Variants in AMOT observed in about 807,000 individuals in gnomAD.
AMOT encodes the protein angiomotin.
AMOT carries 11 observed loss-of-function variants against 67.0 expected under a neutral mutation model. That is an observed-to-expected ratio of 0.16 (90% CI 0.10 to 0.27). The LOEUF (loss-of-function observed/expected upper bound fraction) is 0.27, where lower values mean the gene tolerates loss of function less well. Among genes scored for constraint, AMOT ranks in the 10% least tolerant of loss-of-function variants. The pLI is 1.00. For missense variants in AMOT, 753 were observed against 852.0 expected (o/e 0.88, Z 1.45); for synonymous variants, 326 against 321.4 (o/e 1.01, Z -0.15).
chrX:112,781,261 G>A (rs1237234220), intron 11 of AMOT, 143 bp from the exon 12 acceptor site: 2 of 512,783 alleles, frequency 3.9e-6, no homozygotes, highest in Middle Eastern at 5.9e-4. Flanking sequence ...CCAACATGGT[G>A]AAACCCTGTC....
chrX:112,786,990 A>G (rs1035932768), intron 10 of AMOT, among the ~76,000 whole-genome samples: 1 of 111,796 alleles, frequency 8.9e-6, no homozygotes, highest in African/African-American at 3.3e-5. Flanking sequence ...GAGTTGCTGT[A>G]TCTGATGTTT....
At chrX:112,804,907 T>G in intron 8 of AMOT, 40 bp downstream of exon 8, 2 of 524,981 alleles carry the variant, frequency 3.8e-6, no homozygotes, top group Non-Finnish European at 6.2e-6. Flanking sequence ...TTCCCAGCCC[T>G]CCCACCCCCA....
intron 8 of AMOT, among the ~76,000 whole-genome samples, chrX:112,799,828 A>G (rs1933953385): frequency 8.9e-6 from 1 of 112,545 alleles, no homozygotes; most frequent in Admixed American, 9.4e-5. Flanking sequence ...TCCAAAAGCC[A>G]AAATCATAGG....
At chrX:112,824,242 T>G (rs1463827231) in intron 3 of AMOT, among the ~76,000 whole-genome samples, 1 of 112,273 alleles carries the variant, frequency 8.9e-6, no homozygotes, top group Non-Finnish European at 1.9e-5. Flanking sequence ...GATTCAAAAA[T>G]TCTTTGGGCA....
intron 7 of AMOT, among the ~76,000 whole-genome samples, chrX:112,807,555 G>A (rs923864569): frequency 1.4e-4 from 15 of 109,064 alleles, no homozygotes; most frequent in African/African-American, 5.0e-4. Flanking sequence ...AATAAAAAAA[G>A]TAGACAGCAT....
chrX:112,805,392 C>T (rs1202023829), intron 7 of AMOT, among the ~76,000 whole-genome samples: 3 of 109,707 alleles, frequency 2.7e-5, no homozygotes, highest in African/African-American at 1.0e-4. Context: ...CACACACACA[C>T]ACACACACAC....
In AMOT at chrX:112,781,040, C is replaced by T. The variant is rs756906269; in HGVS notation, c.2319G>A (p.Pro773=). Residue 773 remains proline, a synonymous_variant, in exon 12 of 14, where the codon CCG becomes CCA. Transcript: ENST00000371959. The part of the protein sequence containing the change: ...KVLQQRSRKE[P]SKTEQLSCMR... ...TGCACGACAGCTGCTCTGTCTTGCT[C>T]GGCTCCTTCCGGGAACGCTGCTGGA... The T allele has an allele frequency of 7.4e-6, 9 of 1,210,258 alleles. No homozygotes were observed. Among genetic ancestry groups the T allele is most frequent in the East Asian group, 5.9e-5 (2 of 33,766 alleles).
Position 112,777,305 on chromosome X carries a change from T to G in AMOT, c.*1262A>C, listed in dbSNP as rs375032444. On this transcript the variant is annotated 3_prime_UTR_variant, in exon 14 of 14. Coordinates refer to ENST00000371959, the MANE Select transcript of AMOT (RefSeq NM_001113490.2). ...TTGGAGGCAGCCCTATGGCAAGGCT[T>G]GGAGCCATTGCCTCCTTTGATCTCT... 1.4e-4 allele frequency: 16 copies of G among 111,785 alleles called. No homozygotes were observed. Among genetic ancestry groups the G allele is most frequent in the African/African-American group, 5.2e-4 (16 of 30,753 alleles). 9.2% of individuals were successfully genotyped at this position (111,785 alleles called of 1,213,427 possible).
At position 112,779,055 on chromosome X, in the gene AMOT, G is replaced by A. The variant is rs146157772; in HGVS notation, c.3099C>T (p.Thr1033=). The part of the protein sequence containing the change: ...AQAEVPASPA[T]GPGPHRLSIP... ...TAGACAAACGATGTGGTCCAGGACC[G>A]GTAGCTGGACTTGCAGGAACCTCAG... The change falls in exon 13 of 14, where the codon ACC becomes ACT. Residue 1033 remains threonine, a synonymous_variant. Coordinates refer to ENST00000371959, the MANE Select transcript of AMOT (RefSeq NM_001113490.2). The A allele has an allele frequency of 3.1e-5, 38 of 1,207,767 alleles. No individual in the cohort carries two copies. In the African/African-American group the frequency reaches 4.2e-4, roughly 13 times the overall value.
At chrX:112,838,482 C>T (rs1418603604) in intron 1 of AMOT, among the ~76,000 whole-genome samples, 4 of 111,819 alleles carry the variant, frequency 3.6e-5, no homozygotes, top group Non-Finnish European at 7.5e-5. Context: ...GTCATAGTAT[C>T]CATCCCCCTG....
rs373047853 is a variant in AMOT at position 112,779,285 on chromosome X, C to T, written c.2869G>A (p.Ala957Thr). 5 of 657,839 alleles carry T rather than the reference C, an allele frequency of 7.6e-6. No homozygotes were observed. The highest frequency in any genetic ancestry group is 1.2e-5 in the Non-Finnish European group (5 of 404,534). 54.2% of individuals were successfully genotyped at this position (657,839 alleles called of 1,213,427 possible). ...GCAGCAGCAGAAGGAGCAACGGCAG[C>T]AGCTGAGGCAACAGAGGCAGCAGCT... ...IPAAASVASA[A>T]AVAPSAAAAA... is the part of the protein sequence containing the mutation. The change falls in exon 13 of 14, where the codon GCT (alanine) becomes ACT (threonine). Residue 957 changes from alanine (A) to threonine (T), a missense_variant. Transcript: ENST00000371959.
intron 11 of AMOT, among the ~76,000 whole-genome samples, chrX:112,781,443 C>CAAAAAA (rs35689399): frequency 3.4e-5 from 1 of 28,989 alleles, no homozygotes; most frequent in Non-Finnish European, 6.8e-5. Flanking sequence ...GACTCCATCT[C>CAAAAAA]AAAAAAAAAA....
intron 7 of AMOT, 84 bp from the exon 8 acceptor site, chrX:112,805,176 T>C: frequency 7.3e-6 from 8 of 1,089,410 alleles, no homozygotes; most frequent in Non-Finnish European, 1.0e-5. Flanking sequence ...TCATACCCTT[T>C]ACTAGATAGC....
At chrX:112,805,230 C>CT in intron 7 of AMOT, 138 bp from the exon 8 acceptor site, 1 of 695,545 alleles carries the variant, frequency 1.4e-6, no homozygotes, top group Non-Finnish European at 2.1e-6. Context: ...TACCCAAGAT[C>CT]TGGACTCTAT....
rs777077311 is a variant in AMOT at position 112,834,385 on chromosome X, G to C, written c.-288-2015C>G. 5.4e-5 allele frequency among the ~76,000 whole-genome samples: 6 copies of C among 111,290 alleles called. No individual in the cohort carries two copies. In the South Asian group the frequency reaches 1.5e-3, roughly 29 times the overall value. ...AAGATTGAAATGTGAAGTTTGCTAT[G>C]GGGTATATATAAGGGGAAAAAAAGA... On this transcript the variant is annotated intron_variant, in intron 1 of 13. Transcript: ENST00000371959.
At chrX:112,807,218 C>A (rs1338210193) in intron 7 of AMOT, among the ~76,000 whole-genome samples, 2 of 110,279 alleles carry the variant, frequency 1.8e-5, no homozygotes, top group Non-Finnish European at 3.8e-5. Flanking sequence ...TGAAAAAAAA[C>A]TGAGATGCAC....
chrX:112,838,919 C>G (rs5929489), intron 1 of AMOT, among the ~76,000 whole-genome samples: 108 of 112,323 alleles, frequency 9.6e-4, no homozygotes, highest in Non-Finnish European at 1.4e-3. Context: ...ATAGTTGGAA[C>G]CTTAGTTATC....
intron 5 of AMOT, among the ~76,000 whole-genome samples, chrX:112,813,644 C>G (rs917350983): frequency 1.8e-5 from 2 of 110,853 alleles, no homozygotes; most frequent in East Asian, 2.9e-4. Context: ...CCCACACACA[C>G]AAAAAATCAC....
At chrX:112,811,117 G>T in intron 6 of AMOT, 132 bp downstream of exon 6, 2 of 852,038 alleles carry the variant, frequency 2.3e-6, no homozygotes, top group Non-Finnish European at 3.3e-6. Context: ...CCTGGCACAT[G>T]CCCAGCCATT....
Sources: gnomAD v4.1 joint callset for allele counts (sites outside exome capture counted in the v4.1 genomes callset) on GRCh38, gnomAD v4.1.1 for gene constraint, MANE v1.5 for transcripts, NCBI Gene and HGNC (gene_info 2026-07-23, HGNC 2026-07-21) for gene names.